Variants in LYG2 observed in about 807,000 individuals in gnomAD.
LYG2 encodes the protein lysozyme g-like protein 2.
In LYG2, 25 loss-of-function variants were observed where a neutral mutation model predicts 22.4. That is an observed-to-expected ratio of 1.12 (90% CI 0.81 to 1.56). LYG2 has a LOEUF of 1.56. Among genes scored for constraint, LYG2 ranks in the 40% most tolerant of loss-of-function variants. The pLI is 0.00. For missense variants in LYG2, 266 were observed against 269.5 expected (o/e 0.99, Z 0.09); for synonymous variants, 88 against 97.0 (o/e 0.91, Z 0.55).
intron 4 of LYG2, among the ~76,000 whole-genome samples, chr2:99,246,059 G>T (rs1028017298): frequency 3.3e-5 from 5 of 152,162 alleles, no homozygotes; most frequent in African/African-American, 1.2e-4. Context: ...AGTGAGCCGA[G>T]ATCATGCCAT....
chr2:99,243,659 C>A, intron 6 of LYG2: 1 of 641,036 alleles, frequency 1.6e-6, no homozygotes, highest in Non-Finnish European at 2.5e-6. Context: ...GCTTAGCCTC[C>A]TGAGTAGCTG....
intron 3 of LYG2, among the ~76,000 whole-genome samples, chr2:99,251,358 C>A (rs2094026236): frequency 6.6e-6 from 1 of 152,094 alleles, no homozygotes; most frequent in Non-Finnish European, 1.5e-5. Context: ...CATAGGAATC[C>A]ATCCTGTGAA....
chr2:99,253,062 A>G (rs1310477346), intron 3 of LYG2, among the ~76,000 whole-genome samples: 2 of 151,450 alleles, frequency 1.3e-5, no homozygotes, highest in Non-Finnish European at 2.9e-5. Context: ...AAAAAAAAAA[A>G]AAAAAAAGGC....
chr2:99,259,956 A>T (rs980410059), upstream of LYG2, among the ~76,000 whole-genome samples: 4 of 123,158 alleles, frequency 3.2e-5, no homozygotes, highest in Admixed American at 2.1e-4. Flanking sequence ...TGCCAAAAGT[A>T]AACTTTTTTT....
chr2:99,243,693 CTTTT>C (rs999579137), intron 6 of LYG2: 729 of 156,302 alleles, frequency 4.7e-3, no homozygotes, highest in East Asian at 8.7e-3. Flanking sequence ...CCATGCCCAG[CTTTT>C]TTTTTTTTTT....
upstream of LYG2, among the ~76,000 whole-genome samples, chr2:99,256,295 G>T (rs1020956911): frequency 8.5e-5 from 13 of 152,176 alleles, no homozygotes; most frequent in Admixed American, 4.6e-4. Flanking sequence ...TCCATCCCTG[G>T]AAGAGTGGCA....
intron 3 of LYG2, among the ~76,000 whole-genome samples, chr2:99,250,605 A>G (rs1031712808): frequency 1.3e-5 from 2 of 152,038 alleles, no homozygotes; most frequent in Non-Finnish European, 2.9e-5. Flanking sequence ...CGATCTGCTG[A>G]CCTTGTGATC....
chr2:99,244,135 A>C lies in LYG2; in HGVS notation c.384T>G (p.Leu128=). 1 of 1,611,856 alleles carries C rather than the reference A, an allele frequency of 6.2e-7. No homozygotes were observed. The highest frequency in any genetic ancestry group is 1.1e-5 in the South Asian group (1 of 90,542). ...HRGLKFGLMQ[L]DKQTYHPVGA... Reference sequence around the variant, plus strand: ...CGACAGGGTGGTACGTTTGTTTATCAAGCTAGAAAATTCAGATAATAAAGT... The same window carrying C: ...CGACAGGGTGGTACGTTTGTTTATCCAGCTAGAAAATTCAGATAATAAAGT... The change falls in exon 6 of 7, where the codon CTT becomes CTG. Residue 128 remains leucine, a splice_region_variant and synonymous_variant. Coordinates refer to ENST00000333017, the MANE Select transcript of LYG2 (RefSeq NM_175735.4).
Position 99,254,212 on chromosome 2 carries a change from A to T in LYG2, c.43+6T>A, listed in dbSNP as rs753911536. The T allele has an allele frequency of 6.2e-7, 1 of 1,613,684 alleles. No homozygotes were observed. The highest frequency in any genetic ancestry group is 8.5e-7 in the Non-Finnish European group (1 of 1,179,608). The stretch of plus-strand genomic sequence containing the variant: ...GAACAATGCTAAATCTCAGCCAGTG[A>T]CTTACCAATGAGGGCAATTAGTCCC... On this transcript the variant is annotated splice_donor_region_variant and intron_variant, in intron 3 of 6. Coordinates refer to ENST00000333017, the MANE Select transcript of LYG2 (RefSeq NM_175735.4).
Position 99,254,206 on chromosome 2 carries a change from C to T in LYG2, c.43+12G>A. On this transcript the variant is annotated intron_variant, in intron 3 of 6. Transcript: ENST00000333017. ...CCCTGTGAACAATGCTAAATCTCAG[C>T]CAGTGACTTACCAATGAGGGCAATT... The T allele has an allele frequency of 1.2e-6, 2 of 1,612,492 alleles. No individual in the cohort carries two copies. Among genetic ancestry groups the T allele is most frequent in the Non-Finnish European group, 8.5e-7 (1 of 1,178,600 alleles).
chr2:99,249,781 A>G (rs2094022966), intron 3 of LYG2, among the ~76,000 whole-genome samples: 1 of 151,230 alleles, frequency 6.6e-6, no homozygotes, highest in Non-Finnish European at 1.5e-5. Flanking sequence ...AAAAAAAAAA[A>G]AAAAGAATCT....
At chr2:99,243,967 C>T (rs2094011233) in intron 6 of LYG2, 32 bp downstream of exon 6, 1 of 1,613,320 alleles carries the variant, frequency 6.2e-7, no homozygotes, top group African/African-American at 1.3e-5. Context: ...ATTCATTGCT[C>T]ATTTAAACAA....
chr2:99,244,205 T>A, intron 5 of LYG2, 68 bp from the exon 6 acceptor site: 2 of 1,515,984 alleles, frequency 1.3e-6, no homozygotes, highest in Non-Finnish European at 1.8e-6. Context: ...ATTCCTAATT[T>A]CCTCTCCTGG....
intron 3 of LYG2, among the ~76,000 whole-genome samples, chr2:99,250,700 G>C (rs945074995): frequency 6.6e-6 from 1 of 152,216 alleles, no homozygotes; most frequent in Non-Finnish European, 1.5e-5. Flanking sequence ...TAGTTGGCAA[G>C]AGCCCAAAGG....
At chr2:99,253,742 A>C (rs538453426) in intron 3 of LYG2, among the ~76,000 whole-genome samples, 1 of 152,096 alleles carries the variant, frequency 6.6e-6, no homozygotes. Context: ...ATCACCAAGC[A>C]TCCTTCAATT....
upstream of LYG2, among the ~76,000 whole-genome samples, chr2:99,256,044 C>A (rs2094035846): frequency 2.0e-5 from 3 of 152,262 alleles, no homozygotes; most frequent in South Asian, 6.2e-4. Context: ...TGTCCAGTTT[C>A]TCAGACTGCA....
At chr2:99,246,643 AG>A in intron 4 of LYG2, 36 bp downstream of exon 4, 3 of 1,594,572 alleles carry the variant, frequency 1.9e-6, no homozygotes, top group Non-Finnish European at 2.6e-6. Flanking sequence ...AAACGATGAA[AG>A]GGGGAAGCCA....
At chr2:99,248,997 AC>A (rs2094021797) in intron 3 of LYG2, among the ~76,000 whole-genome samples, 1 of 152,160 alleles carries the variant, frequency 6.6e-6, no homozygotes, top group Admixed American at 6.5e-5. Context: ...GTCCAAGTCT[AC>A]CTGTTACAGG....
chr2:99,245,501 G>A (rs1364364457), intron 4 of LYG2, 43 bp from the exon 5 acceptor site: 3 of 1,365,188 alleles, frequency 2.2e-6, no homozygotes, highest in East Asian at 2.4e-5. Context: ...GCATGGTAGT[G>A]TGTGCCTGAA....
Sources: gnomAD v4.1 joint callset for allele counts (sites outside exome capture counted in the v4.1 genomes callset) on GRCh38, gnomAD v4.1.1 for gene constraint, MANE v1.5 for transcripts, NCBI Gene and HGNC (gene_info 2026-07-23, HGNC 2026-07-21) for gene names.